POLR1A: variants seen among roughly 807,000 people sequenced by gnomAD.
The protein encoded by POLR1A is DNA-directed RNA polymerase I subunit RPA1.
In POLR1A, 84 loss-of-function variants were observed where a neutral mutation model predicts 205.3. The ratio of observed to expected loss-of-function variants is 0.41; its 90% CI spans 0.34 to 0.49. The LOEUF (loss-of-function observed/expected upper bound fraction) is 0.49. Among genes scored for constraint, POLR1A ranks in the 20% least tolerant of loss-of-function variants. The pLI, the probability that POLR1A is intolerant of heterozygous loss-of-function variation, is 0.22. For synonymous variants in POLR1A, 799 were observed against 863.7 expected (o/e 0.93, Z 1.31); for missense variants, 1,645 against 2,204.5 (o/e 0.75, Z 5.08).
chr2:86,091,424 A>G (rs1054215330), intron 3 of POLR1A, among the ~76,000 whole-genome samples: 5 of 152,128 alleles, frequency 3.3e-5, no homozygotes, highest in African/African-American at 1.2e-4. Flanking sequence ...TCCAGCCCCA[A>G]CAAAGAATTT....
At chr2:86,079,163 A>G (rs1161887869) in intron 9 of POLR1A, among the ~76,000 whole-genome samples, 2 of 152,232 alleles carry the variant, frequency 1.3e-5, no homozygotes, top group East Asian at 1.9e-4. Flanking sequence ...TGGGCTTGTC[A>G]TCAAACCTGA....
chr2:86,082,169 T>G (rs1673416447), intron 7 of POLR1A, among the ~76,000 whole-genome samples: 1 of 151,930 alleles, frequency 6.6e-6, no homozygotes, highest in South Asian at 2.1e-4. Context: ...AAATAGCCCC[T>G]GTGTACATGA....
Position 86,032,347 on chromosome 2 carries a change from G to C in POLR1A, c.4197C>G (p.His1399Gln). The change falls in exon 29 of 34, where the codon CAC becomes CAG. Residue 1399 changes from histidine to glutamine, a missense_variant. Transcript: ENST00000263857. ...CCTCCTCAGCTTCAGCATCCACAATGTGCCCCTCCTCTTCCTCATCACCCT... is the reference window on the plus strand; with the variant it reads ...CCTCCTCAGCTTCAGCATCCACAATCTGCCCCTCCTCTTCCTCATCACCCT... ...EQEGDEEEEG[H>Q]IVDAEAEEGD... 6.2e-7 allele frequency: 1 copy of C among 1,613,404 alleles called. No homozygotes were observed. The highest frequency in any genetic ancestry group is 8.5e-7 in the Non-Finnish European group (1 of 1,179,466).
Position 86,027,368 on chromosome 2 carries a change from G to A in POLR1A, c.*55C>T. 2 of 1,417,844 alleles carry A rather than the reference G, an allele frequency of 1.4e-6. No individual in the cohort carries two copies. The highest frequency in any genetic ancestry group is 1.0e-6 in the Non-Finnish European group (1 of 1,001,144). 87.8% of individuals were successfully genotyped at this position (1,417,844 alleles called of 1,614,324 possible). A position where few individuals can be genotyped will look rare whatever the true frequency, so the allele number is the denominator to read the frequency against. ...GTCCTCTCATGCAGAAGGCAGGCTG[G>A]GCCACGCCCTCACCAAGGGTCCTTG... is the stretch of plus-strand genomic sequence containing the variant. On this transcript the variant is annotated 3_prime_UTR_variant, in exon 34 of 34. Coordinates refer to ENST00000263857, the MANE Select transcript of POLR1A (RefSeq NM_015425.6).
chr2:86,029,105 G>A (rs1201900696), intron 31 of POLR1A, among the ~76,000 whole-genome samples: 1 of 152,240 alleles, frequency 6.6e-6, no homozygotes, highest in Non-Finnish European at 1.5e-5. Flanking sequence ...GCATGGAGTG[G>A]GGGCCAGTCA....
At chr2:86,101,213 GAC>G (rs1358237383) in intron 1 of POLR1A, among the ~76,000 whole-genome samples, 1 of 152,126 alleles carries the variant, frequency 6.6e-6, no homozygotes, top group Non-Finnish European at 1.5e-5. Flanking sequence ...AGAAAATAAA[GAC>G]AAAGAAACCA....
chr2:86,058,399 T>A (rs904538369), intron 14 of POLR1A, among the ~76,000 whole-genome samples: 1 of 94,276 alleles, frequency 1.1e-5, no homozygotes, highest in African/African-American at 1.1e-4. Flanking sequence ...TCACCCAGCC[T>A]TTTTTTTTTT....
chr2:86,038,359 A>G (rs773127627), intron 27 of POLR1A, among the ~76,000 whole-genome samples: 4 of 152,226 alleles, frequency 2.6e-5, no homozygotes, highest in Non-Finnish European at 5.9e-5. Context: ...CCGACACCAC[A>G]GAAGCACCGC....
intron 1 of POLR1A, among the ~76,000 whole-genome samples, chr2:86,101,445 G>C (rs756727051): frequency 6.6e-6 from 1 of 152,160 alleles, no homozygotes; most frequent in Non-Finnish European, 1.5e-5. Context: ...AAGGCGACAG[G>C]GAGGCAGATC....
chr2:86,033,605 GC>G, intron 28 of POLR1A, 55 bp downstream of exon 28: 1 of 1,587,314 alleles, frequency 6.3e-7, no homozygotes, highest in Non-Finnish European at 8.6e-7. Context: ...CACAGAGCCT[GC>G]CCAGTCTGGG....
At chr2:86,039,175 T>C (rs530161559) in intron 26 of POLR1A, 152 bp downstream of exon 26, 23 of 837,256 alleles carry the variant, frequency 2.7e-5, no homozygotes, top group Middle Eastern at 3.7e-4. Context: ...CTGATCCATC[T>C]CTGCTCAGCA....
rs1249771693 is a variant in POLR1A, at chr2:86,030,346, C to T, written c.4629G>A (p.Leu1543=). The change falls in exon 31 of 34, where the codon CTG becomes CTA. Residue 1543 remains leucine (L), a synonymous_variant. Coordinates refer to ENST00000263857, the MANE Select transcript of POLR1A (RefSeq NM_015425.6). ...CGGCACCATGGGCCAAAGATACTAC[C>T]AGGGAGCTCATGTCAAAGTTGATCT... The part of the protein sequence containing the change: ...LMKINFDMSS[L]VVSLAHGAVI... The T allele has an allele frequency of 6.2e-7, 1 of 1,614,050 alleles. No individual in the cohort carries two copies. Among genetic ancestry groups the T allele is most frequent in the African/African-American group, 1.3e-5 (1 of 74,932 alleles).
At chr2:86,029,850 T>C (rs1672349892) in intron 31 of POLR1A, among the ~76,000 whole-genome samples, 1 of 152,104 alleles carries the variant, frequency 6.6e-6, no homozygotes, top group African/African-American at 2.4e-5. Flanking sequence ...TCCGCCTGCC[T>C]TGGCCTCCCA....
Position 86,054,140 on chromosome 2 carries a change from C to A in POLR1A, c.2208G>T (p.Gln736His). The A allele has an allele frequency of 6.2e-7, 1 of 1,613,912 alleles. No individual in the cohort carries two copies. The highest frequency in any genetic ancestry group is 8.5e-7 in the Non-Finnish European group (1 of 1,179,836). Reference protein sequence around the residue: ...GFNPDSMCESQVIIREGELLC... With the variant: ...GFNPDSMCESHVIIREGELLC... ...ACTCCACACAGCTGGACAGCCATACCTGGGACTCGCACATCGAGTCAGGGT... is the reference window on the plus strand; with the variant it reads ...ACTCCACACAGCTGGACAGCCATACATGGGACTCGCACATCGAGTCAGGGT... The change falls in exon 15 of 34, where the codon CAG becomes CAT. Residue 736 changes from glutamine (Q) to histidine (H), a missense_variant and splice_region_variant. By Grantham distance (24) the Gln-to-His change is conservative (BLOSUM62 0). This residue lies in a region of POLR1A where 339 missense variants were observed against 415.1 expected (regional missense o/e 0.82). Coordinates refer to ENST00000263857, the MANE Select transcript of POLR1A (RefSeq NM_015425.6).
rs542035389 is a variant in POLR1A, at chr2:86,086,204, G to A, written c.730+2362C>T. On this transcript the variant is annotated intron_variant, in intron 6 of 33. Transcript: ENST00000263857. ...CTCCTGAGTAGCTGGGATTACAGGCGTGCGCCACCACACCCGGCTAATTTT... is the reference window on the plus strand; with the variant it reads ...CTCCTGAGTAGCTGGGATTACAGGCATGCGCCACCACACCCGGCTAATTTT... Among the ~76,000 whole-genome samples the A allele has an allele frequency of 1.2e-4, 18 of 152,178 alleles. No individual in the cohort carries two copies. In the South Asian group the frequency reaches 2.5e-3, roughly 21 times the overall value.
intron 14 of POLR1A, among the ~76,000 whole-genome samples, chr2:86,062,355 C>T (rs1452840039): frequency 2.0e-5 from 3 of 152,082 alleles, no homozygotes; most frequent in African/African-American, 7.2e-5. Flanking sequence ...ATCCAAGGTG[C>T]AGTCTCTAGG....
Position 86,071,225 on chromosome 2 carries a change from T to TGCGTGTGCGC in POLR1A, c.1612-954_1612-953insGCGCACACGC, listed in dbSNP as rs1386802116. ...AACCCAGCTTCTCTCTCTCTCCGTGTGCATGTGTGTGTGTGTGTGTGTGTG... is the reference window on the plus strand; with the variant it reads ...AACCCAGCTTCTCTCTCTCTCCGTGTGCGTGTGCGCGCATGTGTGTGTGTGTGTGTGTGTG... On this transcript the variant is annotated intron_variant, in intron 12 of 33. Transcript: ENST00000263857. Among the ~76,000 whole-genome samples, 24 of 7,976 alleles carry TGCGTGTGCGC rather than the reference T, an allele frequency of 3.0e-3. No individual in the cohort carries two copies. In the East Asian group the frequency reaches 0.033, roughly 11 times the overall value. 5.2% of individuals were successfully genotyped at this position (7,976 alleles called of 152,430 possible). A position where few individuals can be genotyped will look rare whatever the true frequency, so the allele number is the denominator to read the frequency against.
intron 21 of POLR1A, among the ~76,000 whole-genome samples, 166 bp downstream of exon 21, chr2:86,045,112 C>T (rs7572206): frequency 0.012 from 1,887 of 152,290 alleles, 48 homozygotes; most frequent in African/African-American, 0.043. Context: ...ACCGATCCTG[C>T]GAAGGGGAAC....
intron 14 of POLR1A, among the ~76,000 whole-genome samples, chr2:86,062,854 C>T (rs1307719592): frequency 6.6e-6 from 1 of 152,030 alleles, no homozygotes; most frequent in Non-Finnish European, 1.5e-5. Flanking sequence ...AGAAGTGACA[C>T]CACTACAGGC....
Sources: allele counts gnomAD v4.1 joint callset (sites outside exome capture counted in the v4.1 genomes callset), GRCh38; gene constraint gnomAD v4.1.1; regional missense constraint gnomAD v4.1.1; transcripts MANE v1.5; gene names NCBI Gene and HGNC (gene_info 2026-07-23, HGNC 2026-07-21).